Variants in CGNL1 observed in about 807,000 individuals in gnomAD.
CGNL1 encodes the protein cingulin like 1.
A neutral mutation model predicts 141.2 loss-of-function variants in CGNL1; 132 were observed. That is an observed-to-expected ratio of 0.93 (90% CI 0.81 to 1.08). The LOEUF is 1.08. CGNL1 is among the 50% of genes least tolerant of loss of function. The pLI is 0.00. For missense variants in CGNL1, 1,870 were observed against 1,588.6 expected, an observed-to-expected ratio of 1.18 and a Z score of -3.01; for synonymous variants, 690 against 622.1, an observed-to-expected ratio of 1.11 and a Z score of -1.63.
intron 1 of CGNL1, among the ~76,000 whole-genome samples, chr15:57,392,006 G>T (rs2062549334): frequency 6.8e-6 from 1 of 146,822 alleles, no homozygotes; most frequent in Non-Finnish European, 1.5e-5. Flanking sequence ...CACAATAAAA[G>T]TCTTAATTTT....
At chr15:57,545,771 A>C in intron 17 of CGNL1, 71 bp downstream of exon 17, 18 of 1,266,952 alleles carry the variant, frequency 1.4e-5, no homozygotes, top group Non-Finnish European at 1.7e-5. Context: ...CAAGGGAGGC[A>C]AGGCCTCCCT....
At chr15:57,413,341 A>G (rs965843456) in intron 1 of CGNL1, among the ~76,000 whole-genome samples, 7 of 149,630 alleles carry the variant, frequency 4.7e-5, no homozygotes, top group African/African-American at 7.4e-5. Flanking sequence ...GGCATGGTCA[A>G]TCATGGCTCA....
At chr15:57,443,762 A>G (rs896623152) in intron 4 of CGNL1, among the ~76,000 whole-genome samples, 2 of 152,180 alleles carry the variant, frequency 1.3e-5, no homozygotes, top group Non-Finnish European at 2.9e-5. Context: ...TTGTTTGCTA[A>G]AACTCTGAAG....
Position 57,461,785 on chromosome 15 carries a change from G to A in CGNL1, c.2296G>A (p.Ala766Thr), listed in dbSNP as rs747841420. Residue 766 changes from alanine (A) to threonine (T), a missense_variant, in exon 8 of 19, where the codon GCC (alanine) becomes ACC (threonine). Ala to Thr is a moderately conservative substitution (Grantham distance 58). Coordinates refer to ENST00000281282, the MANE Select transcript of CGNL1 (RefSeq NM_032866.5). Reference protein sequence around the residue: ...RERELTALKGALKEEVSSHDQ... With the variant: ...RERELTALKGTLKEEVSSHDQ... Reference sequence around the variant, plus strand: ...GCGTGAACTCACCGCCCTGAAGGGAGCCCTGAAAGAAGAGGTTTCCAGCCA... The same window carrying A: ...GCGTGAACTCACCGCCCTGAAGGGAACCCTGAAAGAAGAGGTTTCCAGCCA... 4 of 1,614,112 alleles carry A rather than the reference G, an allele frequency of 2.5e-6. No individual in the cohort carries two copies. The East Asian group carries it at 6.7e-5, about 27-fold the overall frequency.
At chr15:57,515,485 C>CT (rs796489279) in intron 8 of CGNL1, among the ~76,000 whole-genome samples, 149 of 152,330 alleles carry the variant, frequency 9.8e-4, no homozygotes, top group African/African-American at 3.5e-3. Flanking sequence ...AAAGCCTAAC[C>CT]TTGTCCTCCC....
chr15:57,500,263 C>T (rs555766923), intron 8 of CGNL1, among the ~76,000 whole-genome samples: 100 of 152,244 alleles, frequency 6.6e-4, no homozygotes, highest in African/African-American at 2.3e-3. Flanking sequence ...GAGACCCTTG[C>T]GGCCCGTGGG....
rs912179651 is a variant in CGNL1, at chr15:57,454,756, A to G, written c.2190+938A>G. On this transcript the variant is annotated intron_variant, in intron 7 of 18. Coordinates refer to ENST00000281282, the MANE Select transcript of CGNL1 (RefSeq NM_032866.5). ...CCAACTGGGATTCCTCTTTTTATCA[A>G]ATGATTCCTTAAAAACCACCACATT... Among the ~76,000 whole-genome samples the G allele has an allele frequency of 5.9e-5, 9 of 152,246 alleles. No individual in the cohort carries two copies. The East Asian group carries it at 1.4e-3, about 23-fold the overall frequency.
chr15:57,451,466 A>G, intron 4 of CGNL1, 34 bp from the exon 5 acceptor site: 2 of 1,461,108 alleles, frequency 1.4e-6, no homozygotes, highest in Non-Finnish European at 1.9e-6. Context: ...CACCCTGAAC[A>G]TTTAAATTAG....
At chr15:57,441,886 T>C (rs369717369) in intron 3 of CGNL1, among the ~76,000 whole-genome samples, 11 of 152,246 alleles carry the variant, frequency 7.2e-5, no homozygotes, top group African/African-American at 2.2e-4. Context: ...AATCTTGGCT[T>C]AGGGGTTTTA....
chr15:57,398,665 C>G (rs2062628296), intron 1 of CGNL1, among the ~76,000 whole-genome samples: 1 of 152,154 alleles, frequency 6.6e-6, no homozygotes, highest in African/African-American at 2.4e-5. Flanking sequence ...GTTGGAAAAC[C>G]AGGCTGGCGT....
chr15:57,513,253 GGTGT>G lies in CGNL1; in HGVS notation c.2404-3488_2404-3485del, dbSNP rs369204678. Among the ~76,000 whole-genome samples the G allele has an allele frequency of 5.5e-3, 735 of 133,982 alleles. 7 individuals are homozygous for G. Among genetic ancestry groups the G allele is most frequent in the South Asian group, 0.013 (49 of 3,830 alleles). 87.9% of individuals were successfully genotyped at this position (133,982 alleles called of 152,430 possible). ...AGACTTTCATATAAATGTCAATATGGGTGTGTGTGTGTGTGTGTGTGTGTGTGTG... is the reference window on the plus strand; with the variant it reads ...AGACTTTCATATAAATGTCAATATGGGTGTGTGTGTGTGTGTGTGTGTGTG... On this transcript the variant is annotated intron_variant, in intron 8 of 18. Transcript: ENST00000281282.
chr15:57,453,108 T>C (rs2063340415), intron 6 of CGNL1, among the ~76,000 whole-genome samples: 1 of 151,060 alleles, frequency 6.6e-6, no homozygotes, highest in Admixed American at 6.6e-5. Flanking sequence ...TTTTGTAAAC[T>C]TTTTTTTCAT....
Position 57,548,278 on chromosome 15 carries a change from G to C in CGNL1, c.*788G>C, listed in dbSNP as rs2032972755. 6.6e-6 allele frequency: 1 copy of C among 152,140 alleles called. No individual in the cohort carries two copies. Among genetic ancestry groups the C allele is most frequent in the South Asian group, 2.1e-4 (1 of 4,812 alleles). 9.4% of individuals were successfully genotyped at this position (152,140 alleles called of 1,614,324 possible). A position where few individuals can be genotyped will look rare whatever the true frequency, so the allele number is the denominator to read the frequency against. ...AGCCTCCCAAAGTGCTGAGATTACA[G>C]GCATGAGCCACCACGCCCAGCCATT... is the stretch of plus-strand genomic sequence containing the variant. On this transcript the variant is annotated 3_prime_UTR_variant, in exon 19 of 19. Coordinates refer to ENST00000281282, the MANE Select transcript of CGNL1 (RefSeq NM_032866.5).
chr15:57,432,021 A>G (rs2063051182), intron 1 of CGNL1, among the ~76,000 whole-genome samples: 1 of 152,216 alleles, frequency 6.6e-6, no homozygotes, highest in Non-Finnish European at 1.5e-5. Flanking sequence ...TACCCACTGT[A>G]TTAGATGCTC....
chr15:57,470,647 C>T (rs1470160154), intron 8 of CGNL1, among the ~76,000 whole-genome samples: 2 of 152,148 alleles, frequency 1.3e-5, no homozygotes, highest in African/African-American at 4.8e-5. Flanking sequence ...GATTCATTTG[C>T]CATCAAATGC....
chr15:57,497,021 A>C (rs759290513), intron 8 of CGNL1, among the ~76,000 whole-genome samples: 17 of 152,174 alleles, frequency 1.1e-4, no homozygotes, highest in Non-Finnish European at 2.4e-4. Flanking sequence ...GCACTTCAGC[A>C]ATCCAAACAG....
chr15:57,523,499 GTC>G lies in CGNL1; in HGVS notation c.2727_2728del (p.Ser909ArgfsTer11). The G allele has an allele frequency of 6.2e-7, 1 of 1,614,154 alleles. No individual in the cohort carries two copies. Among genetic ancestry groups the G allele is most frequent in the Non-Finnish European group, 8.5e-7 (1 of 1,180,028 alleles). ...CCCTGCCATTTGCAGGGAAATCTGA[GTC>G]AGACTACCCAGGAGCAGAAGCAGTT... is the stretch of plus-strand genomic sequence containing the variant. On this transcript the variant is annotated frameshift_variant, in exon 11 of 19. Transcript: ENST00000281282. LOFTEE classifies it high-confidence loss of function.
intron 12 of CGNL1, 69 bp from the exon 13 acceptor site, chr15:57,528,585 C>T (rs1278507799): frequency 2.0e-6 from 3 of 1,525,972 alleles, no homozygotes; most frequent in African/African-American, 1.4e-5. Flanking sequence ...TCAGCCTGTG[C>T]ACTGTCTGTG....
intron 8 of CGNL1, among the ~76,000 whole-genome samples, chr15:57,493,500 A>G (rs879854308): frequency 3.3e-5 from 5 of 152,248 alleles, no homozygotes; most frequent in Admixed American, 6.5e-5. Context: ...CAGAACCAAG[A>G]TTCACAATGA....
Sources: gnomAD v4.1 joint callset for allele counts (sites outside exome capture counted in the v4.1 genomes callset) on GRCh38, gnomAD v4.1.1 for gene constraint, MANE v1.5 for transcripts, NCBI Gene and HGNC (gene_info 2026-07-23, HGNC 2026-07-21) for gene names.